Variants in NDRG2 observed in about 807,000 individuals in gnomAD.
NDRG2 encodes the protein protein NDRG2.
NDRG2 carries 34 observed loss-of-function variants against 58.2 expected under a neutral mutation model. The ratio of observed to expected loss-of-function variants is 0.58; its 90% CI spans 0.44 to 0.78. The LOEUF (loss-of-function observed/expected upper bound fraction) is 0.78. Among genes scored for constraint, NDRG2 ranks in the 30% least tolerant of loss-of-function variants. The pLI is 0.00. For synonymous variants in NDRG2, 187 were observed against 175.9 expected (o/e 1.06, Z -0.50); for missense variants, 434 against 471.2 (o/e 0.92, Z 0.73).
chr14:21,030,629 A>C (rs759554328), upstream of NDRG2: 3 of 1,613,878 alleles, frequency 1.9e-6, no homozygotes, highest in African/African-American at 2.7e-5. Flanking sequence ...CTGCGTTTGG[A>C]GAATCATCAA....
rs200319329 is a variant in NDRG2, at chr14:21,043,267, A to G, written c.25-19946T>C. On this transcript the variant is annotated intron_variant, in intron 1 of 14. Transcript: ENST00000403829. ...CAGACCCCCAAAATAGCCTGCAAGA[A>G]TGGCGATAAAAACTGCCACCAGAGC... 216 of 1,614,204 alleles carry G rather than the reference A, an allele frequency of 1.3e-4. No homozygotes were observed. The African/African-American group carries it at 2.5e-3, about 19-fold the overall frequency.
At chr14:21,058,084 C>T (rs1331103028) in intron 1 of NDRG2, 3 of 1,614,022 alleles carry the variant, frequency 1.9e-6, no homozygotes, top group Non-Finnish European at 8.5e-7. Context: ...CAGAACGGTG[C>T]AAAGACCTCA....
At chr14:21,028,604 G>C (rs1443425451), upstream of NDRG2, 1 of 152,116 alleles carries the variant, frequency 6.6e-6, no homozygotes, top group African/African-American at 2.4e-5. Context: ...TAAGCAAAAA[G>C]ATTTAGCAAT....
chr14:21,023,510 T>C (rs1196157096), intron 1 of NDRG2, 189 bp from the exon 2 acceptor site: 2 of 594,618 alleles, frequency 3.4e-6, no homozygotes, highest in East Asian at 2.8e-5. Context: ...GGTGGAAGCT[T>C]TGGAAGAGGA....
Position 21,043,464 on chromosome 14 carries a change from G to A in NDRG2, c.25-20143C>T, listed in dbSNP as rs554860492. On this transcript the variant is annotated intron_variant, in intron 1 of 14. Transcript: ENST00000403829. ...TGTACACTTGGACAGAGTCCTTTAG[G>A]TTTCCAGACTGGCTTGCTCTTTGGC... The A allele has an allele frequency of 1.9e-6, 3 of 1,576,502 alleles. No individual in the cohort carries two copies. In the East Asian group the frequency reaches 6.7e-5, roughly 35 times the overall value.
upstream of NDRG2, chr14:21,029,225 A>G (rs1566484936): frequency 6.6e-6 from 1 of 152,246 alleles, no homozygotes; most frequent in Non-Finnish European, 1.5e-5. Flanking sequence ...ACTAGAAAAC[A>G]TGACAGCCTG....
intron 1 of NDRG2, among the ~76,000 whole-genome samples, chr14:21,035,527 C>CA (rs1196843305): frequency 6.6e-6 from 1 of 152,220 alleles, no homozygotes; most frequent in African/African-American, 2.4e-5. Flanking sequence ...TGTTAGTCTG[C>CA]AAGGTGTCTT....
intron 12 of NDRG2, 25 bp downstream of exon 12, chr14:21,018,734 CCTCA>C: frequency 2.5e-6 from 4 of 1,613,864 alleles, no homozygotes; most frequent in Non-Finnish European, 3.4e-6. Context: ...AACCCTCCTC[CCTCA>C]CTCACCCCAA....
chr14:21,062,611 T>G lies in NDRG2; in HGVS notation c.24+8217A>C, dbSNP rs550653859. Among the ~76,000 whole-genome samples, 4 of 152,256 alleles carry G rather than the reference T, an allele frequency of 2.6e-5. No individual in the cohort carries two copies. In the South Asian group the frequency reaches 8.3e-4, roughly 32 times the overall value. ...AAAGGCTGTGGTCAGGTCTCCACCC[T>G]TTATAGGGACTTTTCCTCCTTGGCC... is the stretch of plus-strand genomic sequence containing the variant. On this transcript the variant is annotated intron_variant, in intron 1 of 14. Coordinates refer to the NDRG2 transcript ENST00000403829.
At chr14:21,043,561 T>A in intron 1 of NDRG2, 1 of 835,500 alleles carries the variant, frequency 1.2e-6, no homozygotes, top group Non-Finnish European at 1.9e-6. Context: ...CCCTCATCTC[T>A]TGGGGCTGTT....
chr14:21,040,980 GTTGTT>G (rs1380916426), intron 1 of NDRG2, among the ~76,000 whole-genome samples: 1 of 150,688 alleles, frequency 6.6e-6, no homozygotes, highest in East Asian at 2.0e-4. Flanking sequence ...GTTTTTTGTT[GTTGTT>G]TGTTTGTTTG....
intron 13 of NDRG2, 63 bp from the exon 14 acceptor site, chr14:21,018,302 G>A: frequency 1.9e-6 from 3 of 1,610,488 alleles, no homozygotes; most frequent in Admixed American, 1.7e-5. Flanking sequence ...GCAGAGAGGT[G>A]GAAAGGGTCT....
chr14:21,036,478 A>G (rs1461231492), intron 1 of NDRG2, among the ~76,000 whole-genome samples: 1 of 152,166 alleles, frequency 6.6e-6, no homozygotes, highest in South Asian at 2.1e-4. Flanking sequence ...AAAGTTTACG[A>G]ATTTGTGTTG....
chr14:21,018,922 C>A lies in NDRG2; in HGVS notation c.762-108G>T, dbSNP rs1594377687. 4.9e-6 allele frequency: 7 copies of A among 1,432,828 alleles called. No individual in the cohort carries two copies. The South Asian group carries it at 4.9e-5, about 10-fold the overall frequency. 88.8% of individuals were successfully genotyped at this position (1,432,828 alleles called of 1,614,324 possible). A position where few individuals can be genotyped will look rare whatever the true frequency, so the allele number is the denominator to read the frequency against. On this transcript the variant is annotated intron_variant, in intron 11 of 15. Transcript: ENST00000556147. ...TATCTGGCTCCAAAGAGGAAAGACA[C>A]TTCTGTGTCTCCCTGCTGATGCCAC...
At position 21,023,305 on chromosome 14, in the gene NDRG2, A is replaced by C; in HGVS notation, c.11T>G (p.Leu4Arg). 6.2e-7 allele frequency: 1 copy of C among 1,613,716 alleles called. No individual in the cohort carries two copies. Among genetic ancestry groups the C allele is most frequent in the Admixed American group, 1.7e-5 (1 of 59,956 alleles). The part of the protein sequence containing the change: MAE[L>R]QEVQITEEKP... Reference sequence around the variant, plus strand: ...CTCCTCTGTGATCTGCACCTCCTGCAGCTCCGCCATGGTGGCCTGGCAGGA... The same window carrying C: ...CTCCTCTGTGATCTGCACCTCCTGCCGCTCCGCCATGGTGGCCTGGCAGGA... The change falls in exon 2 of 16, where the codon CTG becomes CGG. Residue 4 changes from leucine (L) to arginine (R), a missense_variant. Coordinates refer to ENST00000556147, the MANE Select transcript of NDRG2 (RefSeq NM_001320329.2).
At chr14:21,049,902 G>C (rs1259627374) in intron 1 of NDRG2, among the ~76,000 whole-genome samples, 2 of 151,820 alleles carry the variant, frequency 1.3e-5, no homozygotes, top group Admixed American at 6.6e-5. Flanking sequence ...TCAGCCTCCT[G>C]AGTAGCTGAG....
intron 1 of NDRG2, among the ~76,000 whole-genome samples, chr14:21,047,287 A>T (rs1885227541): frequency 7.2e-5 from 11 of 152,168 alleles, no homozygotes; most frequent in Admixed American, 7.2e-4. Context: ...GCTCACAAGG[A>T]AAATTTCACT....
Position 21,017,765 on chromosome 14 carries a change from G to T in NDRG2, c.950-3C>A. The T allele has an allele frequency of 6.2e-7, 1 of 1,601,282 alleles. No homozygotes were observed. The highest frequency in any genetic ancestry group is 2.3e-5 in the East Asian group (1 of 44,292). ...GCGAGTCATGCAGGATGAGGCCACTGTGGAGACAGCACGATGCACAAGCAG... is the reference window on the plus strand; with the variant it reads ...GCGAGTCATGCAGGATGAGGCCACTTTGGAGACAGCACGATGCACAAGCAG... On this transcript the variant is annotated splice_region_variant and splice_polypyrimidine_tract_variant and intron_variant, in intron 15 of 15. Coordinates refer to ENST00000556147, the MANE Select transcript of NDRG2 (RefSeq NM_001320329.2).
At position 21,070,861 on chromosome 14, in the gene NDRG2, C is replaced by T; in HGVS notation, c.-10G>A. 6.5e-7 allele frequency: 1 copy of T among 1,535,668 alleles called. No individual in the cohort carries two copies. Among genetic ancestry groups the T allele is most frequent in the Non-Finnish European group, 8.7e-7 (1 of 1,146,870 alleles). On this transcript the variant is annotated 5_prime_UTR_variant, in exon 1 of 15. Transcript: ENST00000403829. This position sits in a 1 kb window ranked among gnomAD's most constrained non-coding sequence, Gnocchi z 4.7. Reference sequence around the variant, plus strand: ...AACCACCATTTTCCATCCCTGTCCCCAACCCGGTGAGGCAGGCCCACCCAT... The same window carrying T: ...AACCACCATTTTCCATCCCTGTCCCTAACCCGGTGAGGCAGGCCCACCCAT...
Sources: gnomAD v4.1 joint callset for allele counts (sites outside exome capture counted in the v4.1 genomes callset) on GRCh38, gnomAD v4.1.1 for gene constraint, Gnocchi (gnomAD v3.1) non-coding constraint, MANE v1.5 for transcripts, NCBI Gene and HGNC (gene_info 2026-07-23, HGNC 2026-07-21) for gene names.